Variants in NAP1L1 observed in about 807,000 individuals in gnomAD.
The protein encoded by NAP1L1 is nucleosome assembly protein 1 like 1, also known as nucleosome assembly protein 1-like 1.
NAP1L1 carries 9 observed loss-of-function variants against 58.9 expected under a neutral mutation model. That is an observed-to-expected ratio of 0.15 (90% CI 0.09 to 0.27). The LOEUF (loss-of-function observed/expected upper bound fraction) is 0.27. Among genes scored for constraint, NAP1L1 ranks in the 10% least tolerant of loss-of-function variants. The pLI, the probability that NAP1L1 is intolerant of heterozygous loss-of-function variation, is 1.00. For synonymous variants in NAP1L1, 130 were observed against 138.3 expected, an observed-to-expected ratio of 0.94 and a Z score of 0.42; for missense variants, 302 against 458.8, an observed-to-expected ratio of 0.66 and a Z score of 3.12.
chr12:76,083,904 C>T (rs1408973148), intron 1 of NAP1L1: 1 of 152,226 alleles, frequency 6.6e-6, no homozygotes, highest in African/African-American at 2.4e-5. Flanking sequence ...GGTCTCCAAC[C>T]AGGCCCAGCC....
intron 6 of NAP1L1, chr12:76,059,547 A>C (rs1949304624): frequency 5.2e-6 from 2 of 382,578 alleles, no homozygotes; most frequent in South Asian, 7.8e-5. Context: ...GTGGTGTTTT[A>C]AACTGCTGTG....
rs1948528071 is a variant in NAP1L1, at chr12:76,039,234, A to C, written c.*9195T>G. 6.6e-6 allele frequency: 1 copy of C among 152,212 alleles called. No homozygotes were observed. Among genetic ancestry groups the C allele is most frequent in the South Asian group, 2.1e-4 (1 of 4,824 alleles). 9.4% of individuals were successfully genotyped at this position (152,212 alleles called of 1,614,324 possible). ...ATCCTACTTTTAGCACTGTGAGCAT[A>C]AACCATAGGTTCTTCTTTTTACAGG... On this transcript the variant is annotated 3_prime_UTR_variant, in exon 15 of 15. Coordinates refer to ENST00000618691, the MANE Select transcript of NAP1L1 (RefSeq NM_004537.7).
intron 1 of NAP1L1, among the ~76,000 whole-genome samples, chr12:76,082,140 T>C (rs1253004945): frequency 1.3e-5 from 2 of 152,218 alleles, no homozygotes; most frequent in Non-Finnish European, 2.9e-5. Flanking sequence ...ATCCTTTGTT[T>C]CAAATTTACA....
chr12:76,079,010 CACAT>C (rs1565750942), intron 1 of NAP1L1, among the ~76,000 whole-genome samples: 3 of 151,896 alleles, frequency 2.0e-5, no homozygotes, highest in African/African-American at 7.3e-5. Context: ...CACACACACA[CACAT>C]ATATTTATCC....
Position 76,050,618 on chromosome 12 carries a change from G to A in NAP1L1, c.972C>T (p.Phe324=), listed in dbSNP as rs866689876. Residue 324 remains phenylalanine, a synonymous_variant, in exon 12 of 15, where the codon TTC becomes TTT. Coordinates refer to ENST00000618691, the MANE Select transcript of NAP1L1 (RefSeq NM_004537.7). Reference sequence around the variant, plus strand: ...GCTCACGTAAAAAGTGACCAATTTCGAAGTCTGCAGCAAGGATAGCTTCAG... The same window carrying A: ...GCTCACGTAAAAAGTGACCAATTTCAAAGTCTGCAGCAAGGATAGCTTCAG... ...DDAEAILAAD[F]EIGHFLRERI... is the part of the protein sequence containing the mutation. 5.0e-6 allele frequency: 8 copies of A among 1,612,180 alleles called. No individual in the cohort carries two copies. The highest frequency in any genetic ancestry group is 6.8e-6 in the Non-Finnish European group (8 of 1,179,578).
chr12:76,074,114 A>G, intron 2 of NAP1L1, 89 bp downstream of exon 2: 3 of 1,143,652 alleles, frequency 2.6e-6, no homozygotes, highest in Non-Finnish European at 3.9e-6. Context: ...CTACATTTTC[A>G]TAATATATAA....
rs775450905 is a variant in NAP1L1, at chr12:76,058,143, T to C, written c.429+1655A>G. 4.1e-4 allele frequency: 282 copies of C among 684,074 alleles called. 1 individual carries two copies. Among genetic ancestry groups the C allele is most frequent in the Non-Finnish European group, 4.2e-4 (152 of 358,854 alleles). The allele number at this position is 684,074 out of a possible 1,614,324, so 42.4% of individuals were successfully genotyped here. On this transcript the variant is annotated intron_variant, in intron 6 of 14. Transcript: ENST00000618691. ...AGAAGTGAATTTGAAAATTTGTCTG[T>C]AGTTAATGGCCTGAACTGACAGTAG...
At chr12:76,081,645 T>C (rs768717450) in intron 1 of NAP1L1, among the ~76,000 whole-genome samples, 1 of 152,128 alleles carries the variant, frequency 6.6e-6, no homozygotes, top group Non-Finnish European at 1.5e-5. Context: ...TAAAAATATA[T>C]ACAAATATGC....
chr12:76,081,654 G>A (rs531221977), intron 1 of NAP1L1, among the ~76,000 whole-genome samples: 6 of 152,258 alleles, frequency 3.9e-5, no homozygotes, highest in South Asian at 2.1e-4. Context: ...ATACAAATAT[G>A]CAGGAAGTAA....
chr12:76,051,506 A>C (rs1330715969), intron 11 of NAP1L1, among the ~76,000 whole-genome samples: 1 of 152,164 alleles, frequency 6.6e-6, no homozygotes, highest in Non-Finnish European at 1.5e-5. Flanking sequence ...AGACAGTCCT[A>C]GTTCAGAAAG....
chr12:76,058,711 T>C (rs1474218768), intron 6 of NAP1L1, among the ~76,000 whole-genome samples: 1 of 152,176 alleles, frequency 6.6e-6, no homozygotes, highest in Non-Finnish European at 1.5e-5. Context: ...TTTTATTTTT[T>C]GAAAAACCCG....
Position 76,044,846 on chromosome 12 carries a change from A to G in NAP1L1, c.*3583T>C, listed in dbSNP as rs1269080729. On this transcript the variant is annotated 3_prime_UTR_variant, in exon 15 of 15. Coordinates refer to ENST00000618691, the MANE Select transcript of NAP1L1 (RefSeq NM_004537.7). Reference sequence around the variant, plus strand: ...TTCATATACCAACAAGGATGTTTCCATTTCTGTAAAGTCATGTAAGTGATC... The same window carrying G: ...TTCATATACCAACAAGGATGTTTCCGTTTCTGTAAAGTCATGTAAGTGATC... 1 of 152,170 alleles carries G rather than the reference A, an allele frequency of 6.6e-6. No individual in the cohort carries two copies. The highest frequency in any genetic ancestry group is 1.9e-4 in the East Asian group (1 of 5,198). 9.4% of individuals were successfully genotyped at this position (152,170 alleles called of 1,614,324 possible). A position where few individuals can be genotyped will look rare whatever the true frequency, so the allele number is the denominator to read the frequency against.
rs1049446102 is a variant in NAP1L1 at position 76,046,058 on chromosome 12, A to G, written c.*2371T>C. On this transcript the variant is annotated 3_prime_UTR_variant, in exon 15 of 15. Transcript: ENST00000618691. Reference sequence around the variant, plus strand: ...GTTGCTCTTAAAATTATATATTTACAGAACATAGTGGCCTCAGCACAAAAT... The same window carrying G: ...GTTGCTCTTAAAATTATATATTTACGGAACATAGTGGCCTCAGCACAAAAT... 6.6e-6 allele frequency: 1 copy of G among 152,014 alleles called. No individual in the cohort carries two copies. Among genetic ancestry groups the G allele is most frequent in the Non-Finnish European group, 1.5e-5 (1 of 67,900 alleles). 9.4% of individuals were successfully genotyped at this position (152,014 alleles called of 1,614,324 possible). A position where few individuals can be genotyped will look rare whatever the true frequency, so the allele number is the denominator to read the frequency against.
chr12:76,074,433 A>G, intron 1 of NAP1L1, 194 bp from the exon 2 acceptor site: 1 of 875,108 alleles, frequency 1.1e-6, no homozygotes, highest in African/African-American at 1.8e-5. Flanking sequence ...ACCAAAAATA[A>G]TTTTTCAGAG....
In NAP1L1 at chr12:76,059,799, G is replaced by A. The variant is rs1949317102; in HGVS notation, c.428C>T (p.Ser143Leu). Residue 143 changes from serine to leucine, a missense_variant and splice_region_variant, in exon 6 of 15, where the codon TCG (serine) becomes TTG (leucine). Physicochemically the swap from Ser to Leu is moderately radical, Grantham distance 145. Coordinates refer to ENST00000618691, the MANE Select transcript of NAP1L1 (RefSeq NM_004537.7). The stretch of plus-strand genomic sequence containing the variant: ...TACCAAAATAAAGTTGGTACTAACC[G>A]AAATCTCATCTTCTTCATCTGGTTT... ...EWKPDEEDEISEELKEKAKIE... is the reference protein window; with the variant it reads ...EWKPDEEDEILEELKEKAKIE... 11 of 1,595,182 alleles carry A rather than the reference G, an allele frequency of 6.9e-6. No homozygotes were observed. The highest frequency in any genetic ancestry group is 1.3e-5 in the African/African-American group (1 of 74,098).
intron 1 of NAP1L1, among the ~76,000 whole-genome samples, chr12:76,077,913 G>C (rs541072181): frequency 6.9e-6 from 1 of 145,138 alleles, no homozygotes; most frequent in Admixed American, 7.1e-5. Flanking sequence ...GAACCCAGAG[G>C]AGGAGGCTGC....
chr12:76,067,285 T>C, intron 4 of NAP1L1, 86 bp downstream of exon 4: 1 of 1,018,958 alleles, frequency 9.8e-7, no homozygotes, highest in East Asian at 2.4e-5. Flanking sequence ...CACTATTGCA[T>C]ATCTAAATCC....
intron 4 of NAP1L1, among the ~76,000 whole-genome samples, chr12:76,063,041 T>A (rs1485145993): frequency 6.6e-6 from 1 of 152,174 alleles, no homozygotes; most frequent in Non-Finnish European, 1.5e-5. Flanking sequence ...AAACTATTAT[T>A]CAGATATAAA....
intron 6 of NAP1L1, chr12:76,058,122 G>C: frequency 1.4e-6 from 1 of 718,466 alleles, no homozygotes; most frequent in East Asian, 2.7e-5. Flanking sequence ...TGGAGAAGAA[G>C]TGAATTTGAA....
Sources: gnomAD v4.1 joint callset for allele counts (sites outside exome capture counted in the v4.1 genomes callset) on GRCh38, gnomAD v4.1.1 for gene constraint, MANE v1.5 for transcripts, NCBI Gene and HGNC (gene_info 2026-07-23, HGNC 2026-07-21) for gene names.